Variants in COL26A1 observed in about 807,000 individuals in gnomAD.
The protein encoded by COL26A1 is collagen alpha-1(XXVI) chain.
COL26A1 carries 41 observed loss-of-function variants against 59.3 expected under a neutral mutation model. That is an observed-to-expected ratio of 0.69 (90% CI 0.54 to 0.90). The LOEUF is 0.90. COL26A1 is among the 40% of genes least tolerant of loss of function. The pLI is 0.00. For missense variants in COL26A1, 612 were observed against 602.3 expected (o/e 1.02, Z -0.17); for synonymous variants, 266 against 256.0 (o/e 1.04, Z -0.37).
intron 3 of COL26A1, among the ~76,000 whole-genome samples, chr7:101,451,792 C>A (rs1196697948): frequency 6.6e-6 from 1 of 151,276 alleles, no homozygotes; most frequent in South Asian, 2.1e-4. Flanking sequence ...GCAACATCAG[C>A]CTCCTGGGTT....
At chr7:101,432,317 G>A (rs908523228) in intron 2 of COL26A1, among the ~76,000 whole-genome samples, 1 of 152,054 alleles carries the variant, frequency 6.6e-6, no homozygotes, top group East Asian at 1.9e-4. Context: ...ACATTGACCC[G>A]GCATGAGATG....
At chr7:101,479,567 C>T (rs1794114512) in intron 3 of COL26A1, among the ~76,000 whole-genome samples, 1 of 152,174 alleles carries the variant, frequency 6.6e-6, no homozygotes, top group African/African-American at 2.4e-5. Flanking sequence ...TGGAATTCTG[C>T]AGAGCCACTA....
chr7:101,450,875 T>C (rs1328554024), intron 3 of COL26A1, among the ~76,000 whole-genome samples: 2 of 147,286 alleles, frequency 1.4e-5, no homozygotes, highest in African/African-American at 4.9e-5. Flanking sequence ...TGATATACAA[T>C]TCTATATGGA....
chr7:101,370,204 G>A (rs374625651), intron 1 of COL26A1, among the ~76,000 whole-genome samples: 1 of 151,996 alleles, frequency 6.6e-6, no homozygotes, highest in Non-Finnish European at 1.5e-5. Context: ...TGGCCTTTCA[G>A]GGGTAAGAAT....
intron 9 of COL26A1, 133 bp from the exon 10 acceptor site, chr7:101,550,975 G>A (rs1795847144): frequency 4.9e-6 from 5 of 1,012,744 alleles, no homozygotes; most frequent in South Asian, 1.4e-5. Flanking sequence ...TTCCCGTGCC[G>A]GCCGGGCCAT....
chr7:101,399,023 C>T (rs1791929309), intron 1 of COL26A1, among the ~76,000 whole-genome samples: 1 of 151,984 alleles, frequency 6.6e-6, no homozygotes. Flanking sequence ...AGATGAGAGA[C>T]ACTAGGCGTG....
At chr7:101,435,915 C>G (rs1792903673) in intron 2 of COL26A1, among the ~76,000 whole-genome samples, 1 of 152,188 alleles carries the variant, frequency 6.6e-6, no homozygotes, top group South Asian at 2.1e-4. Flanking sequence ...CGCCAGCCTC[C>G]CCCCTCTGGT....
At chr7:101,371,356 T>C (rs535341700) in intron 1 of COL26A1, among the ~76,000 whole-genome samples, 1 of 152,208 alleles carries the variant, frequency 6.6e-6, no homozygotes, top group South Asian at 2.1e-4. Context: ...CATTCAAGAA[T>C]TGGCAACTGT....
At chr7:101,544,162 T>C in intron 6 of COL26A1, 66 bp downstream of exon 6, 3 of 1,291,342 alleles carry the variant, frequency 2.3e-6, no homozygotes, top group Non-Finnish European at 3.3e-6. Context: ...TCTTCTCTAC[T>C]GGAACAGGCG....
Position 101,446,900 on chromosome 7 carries a change from G to A in COL26A1, c.282-784G>A, listed in dbSNP as rs182867570. On this transcript the variant is annotated intron_variant, in intron 2 of 12. Transcript: ENST00000313669. ...GAGAAAGAGTAATTTACACAGAGCC[G>A]GCTGTATGGGAGACTGGAGGTTTTT... is the stretch of plus-strand genomic sequence containing the variant. 5.3e-4 allele frequency among the ~76,000 whole-genome samples: 80 copies of A among 151,960 alleles called. 2 individuals are homozygous for A. The East Asian group carries it at 0.013, about 24-fold the overall frequency.
Position 101,363,180 on chromosome 7 carries a change from G to A in COL26A1, c.148G>A (p.Ala50Thr). 1.4e-6 allele frequency: 2 copies of A among 1,449,830 alleles called. No homozygotes were observed. The highest frequency in any genetic ancestry group is 1.8e-6 in the Non-Finnish European group (2 of 1,104,360). The allele number at this position is 1,449,830 out of a possible 1,614,324, so 89.8% of individuals were successfully genotyped here. ...CGCCGGCTCCCCTGGCAGCGGCTAC[G>A]CGAGCCGCCGGTGAGTAGCTCGGGG... Reference protein sequence around the residue: ...PGAGSPGSGYASRRHWCHHTV... With the variant: ...PGAGSPGSGYTSRRHWCHHTV... The change falls in exon 1 of 13, where the codon GCG becomes ACG. Residue 50 changes from alanine to threonine, a missense_variant. Physicochemically the swap from Ala to Thr is moderately conservative, Grantham distance 58. Coordinates refer to ENST00000313669, the MANE Select transcript of COL26A1 (RefSeq NM_001278563.3).
chr7:101,537,741 T>G (rs1284146089), intron 4 of COL26A1, among the ~76,000 whole-genome samples: 1 of 152,084 alleles, frequency 6.6e-6, no homozygotes, highest in Non-Finnish European at 1.5e-5. Flanking sequence ...AGAGGTTGCC[T>G]GTAGGAGGCC....
At chr7:101,552,888 CAA>C (rs1795889239) in intron 10 of COL26A1, among the ~76,000 whole-genome samples, 1 of 152,154 alleles carries the variant, frequency 6.6e-6, no homozygotes, top group African/African-American at 2.4e-5. Context: ...GCCTGGGTGA[CAA>C]GAGTGAAACT....
intron 1 of COL26A1, among the ~76,000 whole-genome samples, chr7:101,396,495 C>T (rs1213210841): frequency 1.3e-5 from 2 of 151,940 alleles, no homozygotes; most frequent in East Asian, 3.9e-4. Context: ...TGGAGTCTTG[C>T]TATGTTGCCC....
intron 1 of COL26A1, among the ~76,000 whole-genome samples, chr7:101,396,645 A>G (rs1017413951): frequency 2.6e-5 from 4 of 152,066 alleles, no homozygotes; most frequent in African/African-American, 9.7e-5. Flanking sequence ...GTATTTTAGT[A>G]CAGATGAGAT....
intron 1 of COL26A1, among the ~76,000 whole-genome samples, chr7:101,384,362 G>A (rs1217670889): frequency 6.6e-6 from 1 of 150,748 alleles, no homozygotes; most frequent in Non-Finnish European, 1.5e-5. Flanking sequence ...TCAGCCTCCC[G>A]AGTAGCTGGG....
chr7:101,450,553 A>G (rs1793305977), intron 3 of COL26A1, among the ~76,000 whole-genome samples: 1 of 152,074 alleles, frequency 6.6e-6, no homozygotes, highest in East Asian at 1.9e-4. Context: ...AGGGCTTCCA[A>G]ATACCTCCCA....
At chr7:101,513,307 C>T (rs1233346246) in intron 3 of COL26A1, among the ~76,000 whole-genome samples, 7 of 151,470 alleles carry the variant, frequency 4.6e-5, no homozygotes, top group Non-Finnish European at 8.8e-5. Flanking sequence ...CACGCCCAGC[C>T]TCTATTTATT....
At chr7:101,527,774 C>T (rs1259576170) in intron 3 of COL26A1, among the ~76,000 whole-genome samples, 2 of 151,900 alleles carry the variant, frequency 1.3e-5, no homozygotes, top group East Asian at 3.9e-4. Flanking sequence ...GGGAAAGGCA[C>T]TGTGGCCCCA....
Sources: gnomAD v4.1 joint callset for allele counts (sites outside exome capture counted in the v4.1 genomes callset) on GRCh38, gnomAD v4.1.1 for gene constraint, MANE v1.5 for transcripts, NCBI Gene and HGNC (gene_info 2026-07-23, HGNC 2026-07-21) for gene names.